EPHA5: variants seen among roughly 807,000 people sequenced by gnomAD.
EPHA5 encodes ephrin type-A receptor 5.
In EPHA5, 60 loss-of-function variants were observed where a neutral mutation model predicts 105.0. The observed-to-expected ratio is 0.57, with a 90% CI of 0.46 to 0.71. The LOEUF is 0.71. Among genes scored for constraint, EPHA5 ranks in the 30% least tolerant of loss-of-function variants. The pLI, the probability that EPHA5 is intolerant of heterozygous loss-of-function variation, is 0.00. For missense variants in EPHA5, 1,218 were observed against 1,274.7 expected, an observed-to-expected ratio of 0.96 and a Z score of 0.68; for synonymous variants, 513 against 449.1, an observed-to-expected ratio of 1.14 and a Z score of -1.80.
chr4:65,364,741 A>G (rs889295342), intron 11 of EPHA5, among the ~76,000 whole-genome samples: 9 of 151,744 alleles, frequency 5.9e-5, no homozygotes, highest in East Asian at 1.9e-4. Context: ...AGTTAAAAAA[A>G]AAGTTGATAT....
chr4:65,433,755 C>G (rs377066642), intron 5 of EPHA5, among the ~76,000 whole-genome samples: 121 of 152,290 alleles, frequency 7.9e-4, no homozygotes, highest in African/African-American at 2.8e-3. Context: ...GCTCCAGCCT[C>G]TTCCTCCATG....
intron 5 of EPHA5, among the ~76,000 whole-genome samples, chr4:65,479,823 T>TA (rs1730182113): frequency 6.6e-6 from 1 of 152,078 alleles, no homozygotes; most frequent in South Asian, 2.1e-4. Context: ...AACCATTAAA[T>TA]AAAAAACATA....
intron 5 of EPHA5, among the ~76,000 whole-genome samples, chr4:65,449,348 C>A (rs1036064715): frequency 3.3e-5 from 5 of 152,194 alleles, no homozygotes; most frequent in Non-Finnish European, 5.9e-5. Context: ...AAAAAAAGAG[C>A]CTTTTGCACT....
At chr4:65,331,590 G>A (rs1720622450) in intron 16 of EPHA5, 1 of 1,062,550 alleles carries the variant, frequency 9.4e-7, no homozygotes, top group South Asian at 4.5e-5. Flanking sequence ...TGGTCCTTAT[G>A]TAGGACTAGC....
chr4:65,387,342 T>C (rs983567875), intron 8 of EPHA5, among the ~76,000 whole-genome samples: 11 of 152,060 alleles, frequency 7.2e-5, no homozygotes, highest in Admixed American at 3.3e-4. Flanking sequence ...TAGGAACAAA[T>C]GGGCTAAACT....
chr4:65,520,573 C>T (rs566966145), intron 3 of EPHA5, among the ~76,000 whole-genome samples: 1 of 151,904 alleles, frequency 6.6e-6, no homozygotes, highest in Non-Finnish European at 1.5e-5. Context: ...AAGAAACTAC[C>T]ATCAGAGTGA....
intron 5 of EPHA5, among the ~76,000 whole-genome samples, chr4:65,427,375 G>C (rs898069069): frequency 9.2e-5 from 14 of 151,702 alleles, no homozygotes; most frequent in African/African-American, 3.1e-4. Context: ...GTAGAGACAG[G>C]GTTTCATCAT....
At chr4:65,658,384 G>A (rs1749254222) in intron 1 of EPHA5, among the ~76,000 whole-genome samples, 16 of 151,984 alleles carry the variant, frequency 1.1e-4, no homozygotes, top group Admixed American at 9.8e-4. Flanking sequence ...GAGGACTATT[G>A]AAAGGTTTTA....
At chr4:65,408,800 G>T (rs1017508027) in intron 7 of EPHA5, among the ~76,000 whole-genome samples, 1 of 151,490 alleles carries the variant, frequency 6.6e-6, no homozygotes, top group African/African-American at 2.4e-5. Context: ...CAGGGATCTA[G>T]AACTAGAAAT....
chr4:65,551,448 A>G (rs1407379814), intron 3 of EPHA5, among the ~76,000 whole-genome samples: 5 of 152,036 alleles, frequency 3.3e-5, no homozygotes, highest in Non-Finnish European at 7.4e-5. Flanking sequence ...AAAGCAATTG[A>G]CTGTCCTTAA....
chr4:65,648,600 T>C (rs1308720423), intron 1 of EPHA5, among the ~76,000 whole-genome samples: 1 of 152,188 alleles, frequency 6.6e-6, no homozygotes, highest in Non-Finnish European at 1.5e-5. Flanking sequence ...TCCGCTACAG[T>C]ATGAAAAGAG....
intron 5 of EPHA5, among the ~76,000 whole-genome samples, chr4:65,447,440 A>G (rs1403531100): frequency 1.3e-5 from 2 of 151,326 alleles, no homozygotes; most frequent in African/African-American, 4.8e-5. Context: ...GATAACTATG[A>G]GAAATAGTCT....
At chr4:65,449,152 T>A (rs1481670162) in intron 5 of EPHA5, among the ~76,000 whole-genome samples, 1 of 152,126 alleles carries the variant, frequency 6.6e-6, no homozygotes, top group African/African-American at 2.4e-5. Context: ...TTAAAAAGGA[T>A]TATTCCTAAG....
At chr4:65,353,467 T>C (rs1193872082) in intron 11 of EPHA5, among the ~76,000 whole-genome samples, 2 of 149,784 alleles carry the variant, frequency 1.3e-5, no homozygotes, top group Non-Finnish European at 3.0e-5. Context: ...GAGAAAAATG[T>C]ATCACAAGGT....
intron 2 of EPHA5, among the ~76,000 whole-genome samples, chr4:65,602,687 A>T (rs1306842079): frequency 6.6e-6 from 1 of 152,168 alleles, no homozygotes; most frequent in African/African-American, 2.4e-5. Context: ...AAAGTTCAGC[A>T]TATACATAAA....
At chr4:65,414,110 A>G (rs1422328085) in intron 7 of EPHA5, among the ~76,000 whole-genome samples, 174 bp downstream of exon 7, 2 of 152,316 alleles carry the variant, frequency 1.3e-5, no homozygotes, top group Non-Finnish European at 2.9e-5. Flanking sequence ...CAACGTGTTA[A>G]CCTGCCGACC....
chr4:65,331,282 G>C (rs1211836463), intron 16 of EPHA5: 24 of 1,029,350 alleles, frequency 2.3e-5, no homozygotes, highest in Non-Finnish European at 2.7e-5. Context: ...CATGTACAGA[G>C]TATATAATAA....
chr4:65,332,492 A>C (rs1373331856), intron 15 of EPHA5, among the ~76,000 whole-genome samples: 5 of 151,690 alleles, frequency 3.3e-5, no homozygotes, highest in Non-Finnish European at 5.9e-5. Flanking sequence ...ATTTGTCCAA[A>C]TCTGTAAAAT....
intron 5 of EPHA5, among the ~76,000 whole-genome samples, chr4:65,451,055 T>C (rs577189483): frequency 6.6e-6 from 1 of 152,254 alleles, no homozygotes; most frequent in South Asian, 2.1e-4. Flanking sequence ...CTAATGATAC[T>C]TCAAAGATTT....
Sources: allele counts gnomAD v4.1 joint callset (sites outside exome capture counted in the v4.1 genomes callset), GRCh38; gene constraint gnomAD v4.1.1; transcripts MANE v1.5; gene names NCBI Gene and HGNC (gene_info 2026-07-23, HGNC 2026-07-21).